MAN1C1: variants seen among roughly 807,000 people sequenced by gnomAD.
The protein encoded by MAN1C1 is mannosyl-oligosaccharide 1,2-alpha-mannosidase IC.
Under a neutral mutation model 71.5 loss-of-function variants are expected in MAN1C1, and 49 were observed. The ratio of observed to expected loss-of-function variants is 0.69; its 90% CI spans 0.54 to 0.87. The LOEUF is 0.87. MAN1C1 is among the 40% of genes least tolerant of loss of function. MAN1C1 has a pLI of 0.00. For synonymous variants in MAN1C1, 352 were observed against 343.7 expected (o/e 1.02, Z -0.27); for missense variants, 743 against 835.0 (o/e 0.89, Z 1.36).
chr1:25,702,855 A>G (rs961890327), intron 2 of MAN1C1, among the ~76,000 whole-genome samples: 3 of 152,214 alleles, frequency 2.0e-5, no homozygotes, highest in African/African-American at 7.2e-5. Flanking sequence ...GTTGGGTGGC[A>G]TCTTTGCGTG....
At position 25,746,620 on chromosome 1, in the gene MAN1C1, A is replaced by G; in HGVS notation, c.638-48A>G. Reference sequence around the variant, plus strand: ...AACGGTGGCTTGTCCAGTTGGGGAAAAGAGAAAGATGGCCCTGGGTCACAC... The same window carrying G: ...AACGGTGGCTTGTCCAGTTGGGGAAGAGAGAAAGATGGCCCTGGGTCACAC... On this transcript the variant is annotated intron_variant, in intron 2 of 11. Coordinates refer to ENST00000374332, the MANE Select transcript of MAN1C1 (RefSeq NM_020379.4). This position sits in a 1 kb window ranked among gnomAD's most constrained non-coding sequence, Gnocchi z 4.0. 1.4e-6 allele frequency: 2 copies of G among 1,436,214 alleles called. No homozygotes were observed. The highest frequency in any genetic ancestry group is 2.3e-5 in the East Asian group (1 of 42,702). The allele number at this position is 1,436,214 out of a possible 1,614,324, so 89.0% of individuals were successfully genotyped here.
chr1:25,699,865 C>T (rs2046415870), intron 2 of MAN1C1, among the ~76,000 whole-genome samples: 1 of 152,200 alleles, frequency 6.6e-6, no homozygotes, highest in Admixed American at 6.5e-5. Context: ...GCCAGGGCTT[C>T]ACTTCCCGCT....
rs1408471445 is a variant in MAN1C1 at position 25,764,211 on chromosome 1, C to T, written c.1141+244C>T. On this transcript the variant is annotated intron_variant, in intron 7 of 11. Transcript: ENST00000374332. This position sits in a 1 kb window ranked among gnomAD's most constrained non-coding sequence, Gnocchi z 4.4. ...CTGTTTACTGAAGGCCTGCCCTGTG[C>T]GTTCCAAACCCTACCTTCTCTGGCC... is the stretch of plus-strand genomic sequence containing the variant. Among the ~76,000 whole-genome samples the T allele has an allele frequency of 6.6e-6, 1 of 152,178 alleles. No individual in the cohort carries two copies. The highest frequency in any genetic ancestry group is 2.4e-5 in the African/African-American group (1 of 41,442).
At chr1:25,629,497 G>A (rs1352495252) in intron 1 of MAN1C1, among the ~76,000 whole-genome samples, 1 of 152,124 alleles carries the variant, frequency 6.6e-6, no homozygotes, top group Non-Finnish European at 1.5e-5. Flanking sequence ...GTGCAGTGGT[G>A]CGATCTTGGC....
intron 1 of MAN1C1, among the ~76,000 whole-genome samples, chr1:25,624,713 C>G (rs1031274925): frequency 6.6e-6 from 1 of 152,174 alleles, no homozygotes; most frequent in African/African-American, 2.4e-5. Context: ...AAATAGCAAC[C>G]ATTTTCAATG....
chr1:25,748,299 G>A (rs1458262437), intron 3 of MAN1C1, among the ~76,000 whole-genome samples: 1 of 152,218 alleles, frequency 6.6e-6, no homozygotes, highest in Non-Finnish European at 1.5e-5. Flanking sequence ...CGAGCCCTGG[G>A]AAGCTGAAGG....
chr1:25,767,625 TCA>T (rs149150901), intron 7 of MAN1C1, among the ~76,000 whole-genome samples: 49,223 of 83,956 alleles, frequency 0.59, 14,924 homozygotes, highest in East Asian at 0.76. Context: ...CACACTCCCC[TCA>T]CACACACACA....
rs59752481 is a variant in MAN1C1 at position 25,753,320 on chromosome 1, G to C, written c.835-164G>C. Among the ~76,000 whole-genome samples the C allele has an allele frequency of 0.012, 1,753 of 152,328 alleles. 34 individuals are homozygous for C. The highest frequency in any genetic ancestry group is 0.038 in the African/African-American group (1,588 of 41,568). ...TGAGGCTCAGAAGTACCTTGCCAAAGTCCACGTGGCCAGCAGTTGGAAGAA... is the reference window on the plus strand; with the variant it reads ...TGAGGCTCAGAAGTACCTTGCCAAACTCCACGTGGCCAGCAGTTGGAAGAA... On this transcript the variant is annotated intron_variant, in intron 4 of 11. Transcript: ENST00000374332. This position sits in a 1 kb window ranked among gnomAD's most constrained non-coding sequence, Gnocchi z 4.9.
intron 5 of MAN1C1, among the ~76,000 whole-genome samples, chr1:25,757,485 G>A (rs2047302131): frequency 1.1e-5 from 1 of 89,080 alleles, no homozygotes. Context: ...TGATACATAT[G>A]AGGAAACTGA....
chr1:25,682,606 A>G (rs1430784315), intron 1 of MAN1C1, among the ~76,000 whole-genome samples: 1 of 152,206 alleles, frequency 6.6e-6, no homozygotes, highest in Non-Finnish European at 1.5e-5. Context: ...GGTCTGTGGT[A>G]TGGAAGCAGG....
In MAN1C1 at chr1:25,782,392, C is replaced by T. The variant is rs898986027; in HGVS notation, c.1651-193C>T. ...GTGGAAGGAGTGTGGCCCCTCCAGC[C>T]TGGGGACAGGTGGCTAAACCCCGAA... On this transcript the variant is annotated intron_variant, in intron 10 of 11. Coordinates refer to ENST00000374332, the MANE Select transcript of MAN1C1 (RefSeq NM_020379.4). The surrounding 1 kb of genome is among the most constrained non-coding windows in gnomAD (Gnocchi z 4.4). Among the ~76,000 whole-genome samples the T allele has an allele frequency of 2.7e-4, 41 of 152,156 alleles. No homozygotes were observed. The highest frequency in any genetic ancestry group is 9.9e-4 in the African/African-American group (41 of 41,432).
At chr1:25,761,905 G>A (rs1316090785) in intron 6 of MAN1C1, among the ~76,000 whole-genome samples, 1 of 151,956 alleles carries the variant, frequency 6.6e-6, no homozygotes, top group Non-Finnish European at 1.5e-5. Flanking sequence ...CTACAGGGGT[G>A]AGCCACTGCA....
At chr1:25,626,636 G>A (rs923010730) in intron 1 of MAN1C1, among the ~76,000 whole-genome samples, 1 of 152,138 alleles carries the variant, frequency 6.6e-6, no homozygotes, top group Non-Finnish European at 1.5e-5. Context: ...GGGATTACAG[G>A]TGTGAGCCAC....
At chr1:25,678,683 C>T (rs2046103016) in intron 1 of MAN1C1, among the ~76,000 whole-genome samples, 5 of 152,060 alleles carry the variant, frequency 3.3e-5, no homozygotes, top group Admixed American at 3.3e-4. Flanking sequence ...TAGAAATCAC[C>T]AAAATGTCTA....
intron 1 of MAN1C1, among the ~76,000 whole-genome samples, chr1:25,666,885 T>G (rs1453670075): frequency 6.6e-6 from 1 of 152,240 alleles, no homozygotes; most frequent in African/African-American, 2.4e-5. Context: ...GTGAAGGTTT[T>G]GAAACACCTG....
At chr1:25,686,619 C>A in intron 2 of MAN1C1, 83 bp downstream of exon 2, 1 of 1,196,558 alleles carries the variant, frequency 8.4e-7, no homozygotes, top group Non-Finnish European at 1.2e-6. Flanking sequence ...TTTGGCTTTT[C>A]ACCTCCTGAG....
chr1:25,775,240 C>T lies in MAN1C1; in HGVS notation c.1258-2865C>T, dbSNP rs1185237117. On this transcript the variant is annotated intron_variant, in intron 8 of 11. Coordinates refer to ENST00000374332, the MANE Select transcript of MAN1C1 (RefSeq NM_020379.4). The surrounding 1 kb of genome is among the most constrained non-coding windows in gnomAD (Gnocchi z 5.1). Reference sequence around the variant, plus strand: ...AGTGACGCCGAGCAGCTGCCAGGGACATGGCTCTGCCCGGGAGCCAGGCCG... The same window carrying T: ...AGTGACGCCGAGCAGCTGCCAGGGATATGGCTCTGCCCGGGAGCCAGGCCG... 6.6e-6 allele frequency among the ~76,000 whole-genome samples: 1 copy of T among 152,246 alleles called. No homozygotes were observed. The highest frequency in any genetic ancestry group is 1.5e-5 in the Non-Finnish European group (1 of 68,040).
chr1:25,729,480 T>C (rs1326076359), intron 2 of MAN1C1, among the ~76,000 whole-genome samples: 1 of 150,870 alleles, frequency 6.6e-6, no homozygotes, highest in African/African-American at 2.4e-5. Flanking sequence ...TTTTCTTCTT[T>C]TTTTTTTTTT....
At chr1:25,754,724 G>A (rs1306782032) in intron 5 of MAN1C1, among the ~76,000 whole-genome samples, 2 of 152,126 alleles carry the variant, frequency 1.3e-5, no homozygotes, top group Non-Finnish European at 2.9e-5. Flanking sequence ...CCGGGTCTGG[G>A]GTAGGACATC....
Sources: allele counts gnomAD v4.1 joint callset (sites outside exome capture counted in the v4.1 genomes callset), GRCh38; gene constraint gnomAD v4.1.1; non-coding constraint Gnocchi (gnomAD v3.1); transcripts MANE v1.5; gene names NCBI Gene and HGNC (gene_info 2026-07-23, HGNC 2026-07-21).